Variants in ZNF385B observed in about 807,000 individuals in gnomAD.
The protein encoded by ZNF385B is zinc finger protein 385B.
In ZNF385B, 23 loss-of-function variants were observed where a neutral mutation model predicts 39.2. The observed-to-expected ratio is 0.59, with a 90% CI of 0.42 to 0.83. ZNF385B has a LOEUF of 0.83. Ranked by LOEUF, ZNF385B falls within the 40% of genes least tolerant of loss-of-function variation. ZNF385B has a pLI of 0.00. For synonymous variants in ZNF385B, 205 were observed against 222.6 expected, an observed-to-expected ratio of 0.92 and a Z score of 0.70; for missense variants, 552 against 598.9, an observed-to-expected ratio of 0.92 and a Z score of 0.82.
chr2:179,573,243 A>C (rs1416683778), intron 3 of ZNF385B, among the ~76,000 whole-genome samples: 1 of 152,200 alleles, frequency 6.6e-6, no homozygotes, highest in East Asian at 1.9e-4. Flanking sequence ...ATTAATCTTT[A>C]TTAATAGATC....
chr2:179,830,540 AGAAAT>A (rs1471399330), intron 1 of ZNF385B, among the ~76,000 whole-genome samples: 5 of 152,244 alleles, frequency 3.3e-5, no homozygotes, highest in Non-Finnish European at 7.3e-5. Context: ...AGCAATAAAA[AGAAAT>A]GAGCTGTCAA....
At chr2:179,676,893 T>C (rs1323477375) in intron 3 of ZNF385B, among the ~76,000 whole-genome samples, 1 of 152,102 alleles carries the variant, frequency 6.6e-6, no homozygotes, top group African/African-American at 2.4e-5. Context: ...AACTGTGGAA[T>C]AGAGAAATAC....
chr2:179,645,686 C>T (rs1692658378), intron 3 of ZNF385B, among the ~76,000 whole-genome samples: 1 of 152,142 alleles, frequency 6.6e-6, no homozygotes, highest in Non-Finnish European at 1.5e-5. Flanking sequence ...CAGGTCCTAG[C>T]TCATGTACCC....
At chr2:179,830,238 A>G (rs1039692927) in intron 1 of ZNF385B, among the ~76,000 whole-genome samples, 2 of 152,244 alleles carry the variant, frequency 1.3e-5, no homozygotes, top group African/African-American at 4.8e-5. Flanking sequence ...GTATGCTGGT[A>G]AGGATGTGGA....
At chr2:179,607,697 T>A (rs1688930011) in intron 3 of ZNF385B, among the ~76,000 whole-genome samples, 1 of 152,116 alleles carries the variant, frequency 6.6e-6, no homozygotes. Context: ...CTCATGAATG[T>A]CAAGAAAGAC....
At chr2:179,628,245 C>A (rs890828755) in intron 3 of ZNF385B, among the ~76,000 whole-genome samples, 5 of 152,146 alleles carry the variant, frequency 3.3e-5, no homozygotes, top group African/African-American at 1.2e-4. Flanking sequence ...CCTCAAAGTT[C>A]TTTTTTACAA....
At chr2:179,679,690 C>T (rs957568578) in intron 3 of ZNF385B, among the ~76,000 whole-genome samples, 2 of 152,026 alleles carry the variant, frequency 1.3e-5, no homozygotes, top group Non-Finnish European at 2.9e-5. Context: ...CCTATGCTTT[C>T]GACCCATGGC....
At chr2:179,777,078 A>G (rs773016792) in intron 1 of ZNF385B, among the ~76,000 whole-genome samples, 13 of 152,008 alleles carry the variant, frequency 8.6e-5, no homozygotes, top group Admixed American at 4.6e-4. Flanking sequence ...CCTGGCCTTC[A>G]GAAGACCCAA....
chr2:179,832,592 CCCA>C (rs764330800), intron 1 of ZNF385B, among the ~76,000 whole-genome samples: 19 of 152,330 alleles, frequency 1.2e-4, no homozygotes, highest in Middle Eastern at 3.4e-3. Flanking sequence ...TGTCAAGCAA[CCCA>C]CCACCTCATT....
At chr2:179,809,859 T>G (rs1439141270) in intron 1 of ZNF385B, among the ~76,000 whole-genome samples, 1 of 152,052 alleles carries the variant, frequency 6.6e-6, no homozygotes, top group Non-Finnish European at 1.5e-5. Flanking sequence ...AGCCACTGAT[T>G]CTAACATTCA....
At chr2:179,729,755 G>A (rs886392852) in intron 3 of ZNF385B, among the ~76,000 whole-genome samples, 1 of 152,180 alleles carries the variant, frequency 6.6e-6, no homozygotes, top group South Asian at 2.1e-4. Flanking sequence ...CAGGTGGGAG[G>A]TGATTGGATC....
At chr2:179,810,407 ATT>A (rs1706660519) in intron 1 of ZNF385B, among the ~76,000 whole-genome samples, 4 of 151,958 alleles carry the variant, frequency 2.6e-5, no homozygotes, top group Admixed American at 2.6e-4. Context: ...AAGAGAAAAT[ATT>A]GTTACATTTC....
chr2:179,626,220 A>G (rs1360901783), intron 3 of ZNF385B, among the ~76,000 whole-genome samples: 1 of 152,146 alleles, frequency 6.6e-6, no homozygotes, highest in Non-Finnish European at 1.5e-5. Flanking sequence ...CTTTCTTAAA[A>G]CATACTTCTT....
intron 3 of ZNF385B, among the ~76,000 whole-genome samples, chr2:179,625,738 T>C (rs933197448): frequency 5.3e-5 from 8 of 152,158 alleles, no homozygotes; most frequent in Non-Finnish European, 8.8e-5. Flanking sequence ...ATCATAACTA[T>C]GTTATACTAA....
chr2:179,653,816 C>A (rs554209536), intron 3 of ZNF385B, among the ~76,000 whole-genome samples: 2 of 152,154 alleles, frequency 1.3e-5, no homozygotes, highest in East Asian at 3.8e-4. Flanking sequence ...AATACCCCAG[C>A]TAGCGAACAA....
At chr2:179,492,682 A>C (rs2055372100) in intron 5 of ZNF385B, among the ~76,000 whole-genome samples, 1 of 152,030 alleles carries the variant, frequency 6.6e-6, no homozygotes, top group South Asian at 2.1e-4. Flanking sequence ...TACTCATTTG[A>C]AAACCTGTTT....
In ZNF385B at chr2:179,769,813, A is replaced by G; in HGVS notation, c.-2-11T>C. 1 of 1,587,060 alleles carries G rather than the reference A, an allele frequency of 6.3e-7. No homozygotes were observed. Among genetic ancestry groups the G allele is most frequent in the Non-Finnish European group, 8.6e-7 (1 of 1,164,964 alleles). ...AGGAGTACCTCATGCCTGAAAAACA[A>G]AACAAGTACAAGTGCTTCTGAAATG... On this transcript the variant is annotated splice_polypyrimidine_tract_variant and intron_variant, in intron 2 of 9. Transcript: ENST00000410066.
intron 1 of ZNF385B, among the ~76,000 whole-genome samples, chr2:179,794,994 G>A (rs1027072299): frequency 6.6e-6 from 1 of 152,024 alleles, no homozygotes; most frequent in Admixed American, 6.6e-5. Flanking sequence ...AGAAAATAAG[G>A]AATAGCAGAG....
At chr2:179,718,950 CTGTGTGTG>C (rs150262834) in intron 3 of ZNF385B, among the ~76,000 whole-genome samples, 1 of 149,938 alleles carries the variant, frequency 6.7e-6, no homozygotes, top group Non-Finnish European at 1.5e-5. Flanking sequence ...CTTTAAAACT[CTGTGTGTG>C]TGTGTGTGTG....
Sources: allele counts gnomAD v4.1 joint callset (sites outside exome capture counted in the v4.1 genomes callset), GRCh38; gene constraint gnomAD v4.1.1; transcripts MANE v1.5; gene names NCBI Gene and HGNC (gene_info 2026-07-23, HGNC 2026-07-21).